FGFR4: variants seen among roughly 807,000 people sequenced by gnomAD.
The protein encoded by FGFR4 is hydroxyaryl-protein kinase.
FGFR4 carries 63 observed loss-of-function variants against 89.9 expected under a neutral mutation model. The observed-to-expected ratio is 0.70, with a 90% CI of 0.57 to 0.86. The LOEUF is 0.86. Ranked by LOEUF, FGFR4 falls within the 40% of genes least tolerant of loss-of-function variation. FGFR4 has a pLI of 0.00. For synonymous variants in FGFR4, 486 were observed against 479.4 expected (o/e 1.01, Z -0.18); for missense variants, 928 against 1,106.7 (o/e 0.84, Z 2.29).
chr5:177,090,521 C>T lies in FGFR4; in HGVS notation c.223C>T (p.Pro75Ser), dbSNP rs202216794. 4 of 1,561,098 alleles carry T rather than the reference C, an allele frequency of 2.6e-6. No individual in the cohort carries two copies. The highest frequency in any genetic ancestry group is 4.5e-5 in the East Asian group (2 of 44,482). ...GTACAAGGAGGGCAGTCGCCTGGCA[C>T]CTGCTGGCCGTGTACGGGGCTGGAG... Reference protein sequence around the residue: ...HWYKEGSRLAPAGRVRGWRGR... With the variant: ...HWYKEGSRLASAGRVRGWRGR... The change falls in exon 3 of 18, where the codon CCT (proline) becomes TCT (serine). Residue 75 changes from proline (P) to serine (S), a missense_variant. Pro to Ser is a moderately conservative substitution (Grantham distance 74, BLOSUM62 -1). This residue lies in a region of FGFR4 where 741 missense variants were observed against 836.9 expected (regional missense o/e 0.89). Coordinates refer to ENST00000292408, the MANE Select transcript of FGFR4 (RefSeq NM_213647.3).
Position 177,093,455 on chromosome 5 carries a change from G to C in FGFR4, c.1301G>C (p.Arg434Pro), listed in dbSNP as rs766706277. The change falls in exon 10 of 18, where the codon CGA becomes CCA. Residue 434 changes from arginine (R) to proline (P), a missense_variant. Arg to Pro is a moderately radical substitution (Grantham distance 103). Coordinates refer to ENST00000292408, the MANE Select transcript of FGFR4 (RefSeq NM_213647.3). The surrounding 1 kb of genome is among the most constrained non-coding windows in gnomAD (Gnocchi z 5.8). ...SSGKSSSSLV[R>P]GVRLSSSGPA... ...GGCAAGTCAAGCTCATCCCTGGTAC[G>C]AGGCGTGCGTCTCTCCTCCAGCGGC... is the stretch of plus-strand genomic sequence containing the variant. The C allele has an allele frequency of 5.6e-6, 9 of 1,614,030 alleles. No homozygotes were observed. Among genetic ancestry groups the C allele is most frequent in the African/African-American group, 1.3e-5 (1 of 75,060 alleles).
chr5:177,089,739 G>A (rs1358531534), intron 2 of FGFR4, 46 bp downstream of exon 2: 1 of 1,598,406 alleles, frequency 6.3e-7, no homozygotes, highest in Admixed American at 1.7e-5. Context: ...GGGAAGAGTG[G>A]GCACCAGGAG....
At position 177,092,693 on chromosome 5, in the gene FGFR4, C is replaced by T. The variant is rs199582955; in HGVS notation, c.966C>T (p.Asn322=). Reference sequence around the variant, plus strand: ...AGGTGGAGGTCCTGTACCTGCGGAACGTGTCAGCCGAGGACGCAGGCGAGT... The same window carrying T: ...AGGTGGAGGTCCTGTACCTGCGGAATGTGTCAGCCGAGGACGCAGGCGAGT... ...SSEVEVLYLR[N]VSAEDAGEYT... Residue 322 remains asparagine, a synonymous_variant, in exon 8 of 18, where the codon AAC becomes AAT. Coordinates refer to ENST00000292408, the MANE Select transcript of FGFR4 (RefSeq NM_213647.3). 2.7e-4 allele frequency: 439 copies of T among 1,613,958 alleles called. 2 individuals are homozygous for T. Among genetic ancestry groups the T allele is most frequent in the Non-Finnish European group, 5.3e-5 (62 of 1,179,802 alleles).
In FGFR4 at chr5:177,096,150, C is replaced by T. The variant is rs776049235; in HGVS notation, c.1915C>T (p.His639Tyr). 1 of 1,614,160 alleles carries T rather than the reference C, an allele frequency of 6.2e-7. No homozygotes were observed. The highest frequency in any genetic ancestry group is 1.3e-5 in the African/African-American group (1 of 75,040). Reference protein sequence around the residue: ...ADFGLARGVHHIDYYKKTSNG... With the variant: ...ADFGLARGVHYIDYYKKTSNG... ...CTTTGGGCTGGCCCGCGGCGTCCAC[C>T]ACATTGACTACTATAAGAAAACCAG... The change falls in exon 14 of 18, where the codon CAC (histidine) becomes TAC (tyrosine). Residue 639 changes from histidine to tyrosine, a missense_variant. This residue lies in a region of FGFR4 where 20 missense variants were observed against 17.3 expected (regional missense o/e 1.16). Coordinates refer to ENST00000292408, the MANE Select transcript of FGFR4 (RefSeq NM_213647.3).
In FGFR4 at chr5:177,091,817, G is replaced by A. The variant is rs767200148; in HGVS notation, c.727+9G>A. ...CCTGCTAGATGTGCTGGGTGAGCGC[G>A]GGGCTGGGAACAGGGGAGGCCTGAC... On this transcript the variant is annotated intron_variant, in intron 6 of 17. Coordinates refer to ENST00000292408, the MANE Select transcript of FGFR4 (RefSeq NM_213647.3). The A allele has an allele frequency of 1.6e-5, 26 of 1,613,770 alleles. No homozygotes were observed. Among genetic ancestry groups the A allele is most frequent in the Middle Eastern group, 1.6e-4 (1 of 6,078 alleles).
In FGFR4 at chr5:177,090,551, C is replaced by T. The variant is rs569265847; in HGVS notation, c.253C>T (p.Arg85Cys). 89 of 1,527,950 alleles carry T rather than the reference C, an allele frequency of 5.8e-5. 1 individual carries two copies. The South Asian group carries it at 6.4e-4, about 11-fold the overall frequency. The allele number at this position is 1,527,950 out of a possible 1,614,324, so 94.6% of individuals were successfully genotyped here. A position where few individuals can be genotyped will look rare whatever the true frequency, so the allele number is the denominator to read the frequency against. The change falls in exon 3 of 18, where the codon CGC (arginine) becomes TGC (cysteine). Residue 85 changes from arginine to cysteine, a missense_variant. By Grantham distance (180) the Arg-to-Cys change is radical. Transcript: ENST00000292408. ...PAGRVRGWRG[R>C]LEIASFLPED... ...TGGCCGTGTACGGGGCTGGAGGGGC[C>T]GCCTAGAGATTGCCAGCTTCCTACC...
rs1238868851 is a variant in FGFR4, at chr5:177,090,919, G to A, written c.437-19G>A. On this transcript the variant is annotated intron_variant, in intron 4 of 17. Transcript: ENST00000292408. ...GTGGGAACACACGGTCATTCTAGGG[G>A]CCTTCCCCTGCCCTCCAGCACCCTA... 6.2e-7 allele frequency: 1 copy of A among 1,614,048 alleles called. No homozygotes were observed. The highest frequency in any genetic ancestry group is 8.5e-7 in the Non-Finnish European group (1 of 1,180,030).
rs572318487 is a variant in FGFR4 at position 177,097,606 on chromosome 5, C to A, written c.2339C>A (p.Ser780Tyr). 5.6e-6 allele frequency: 9 copies of A among 1,614,224 alleles called. No individual in the cohort carries two copies. The East Asian group carries it at 2.0e-4, about 36-fold the overall frequency. Residue 780 changes from serine (S) to tyrosine (Y), a missense_variant, in exon 18 of 18, where the codon TCT (serine) becomes TAT (tyrosine). Physicochemically the swap from Ser to Tyr is moderately radical, Grantham distance 144. Transcript: ENST00000292408. ...DASSTCSSSD[S>Y]VFSHDPLPLG... ...AGCAGCACCTGCTCCTCCAGCGATT[C>A]TGTCTTCAGCCACGACCCCCTGCCA...
intron 11 of FGFR4, among the ~76,000 whole-genome samples, chr5:177,094,280 T>C (rs1784471400): frequency 6.6e-6 from 1 of 152,048 alleles, no homozygotes; most frequent in Non-Finnish European, 1.5e-5. Context: ...CCTTGTGTCA[T>C]ATGGGGTAGA....
intron 5 of FGFR4, 113 bp downstream of exon 5, chr5:177,091,217 G>T (rs899740164): frequency 1.5e-6 from 2 of 1,343,542 alleles, no homozygotes; most frequent in African/African-American, 1.5e-5. Context: ...CGATTGCGGG[G>T]CCCCGGAAGG....
In FGFR4 at chr5:177,095,853, A is replaced by T; in HGVS notation, c.1821+130A>T. 3.2e-6 allele frequency: 4 copies of T among 1,259,482 alleles called. No homozygotes were observed. Among genetic ancestry groups the T allele is most frequent in the Non-Finnish European group, 4.3e-6 (4 of 929,612 alleles). The allele number at this position is 1,259,482 out of a possible 1,614,324, so 78.0% of individuals were successfully genotyped here. ...CCCACCTCAGTGTCCCCAGGCATTC[A>T]CGCTTTCCTGCATTCCCCACTCGTT... On this transcript the variant is annotated intron_variant, in intron 13 of 17. Transcript: ENST00000292408. The surrounding 1 kb of genome is among the most constrained non-coding windows in gnomAD (Gnocchi z 5.7).
intron 6 of FGFR4, among the ~76,000 whole-genome samples, chr5:177,092,114 G>T (rs1272321736): frequency 6.6e-6 from 1 of 152,224 alleles, no homozygotes; most frequent in Non-Finnish European, 1.5e-5. Context: ...GGAGCCAGGT[G>T]GTGGAGGGTT....
chr5:177,092,350 G>T lies in FGFR4; in HGVS notation c.757G>T (p.Ala253Ser). 2 of 1,598,090 alleles carry T rather than the reference G, an allele frequency of 1.3e-6. No individual in the cohort carries two copies. Among genetic ancestry groups the T allele is most frequent in the Non-Finnish European group, 1.7e-6 (2 of 1,169,026 alleles). Residue 253 changes from alanine to serine, a missense_variant, in exon 7 of 18, where the codon GCC (alanine) becomes TCC (serine). Around this residue, in one of 5 missense-constraint regions of FGFR4, gnomAD observed 741 missense variants for 836.9 expected, o/e 0.89. Transcript: ENST00000292408. The stretch of plus-strand genomic sequence containing the variant: ...GTCCCCGCACCGGCCCATCCTGCAG[G>T]CCGGGCTCCCGGCCAACACCACAGC... ...ERSPHRPILQ[A>S]GLPANTTAVV...
chr5:177,096,511 CAG>C, intron 15 of FGFR4, 91 bp from the exon 16 acceptor site: 2 of 1,550,370 alleles, frequency 1.3e-6, no homozygotes, highest in Non-Finnish European at 8.8e-7. Context: ...CATTCCCCAA[CAG>C]CTGTGGTGGG....
chr5:177,095,634 C>T lies in FGFR4; in HGVS notation c.1732C>T (p.Arg578Trp), dbSNP rs756085498. 6.8e-6 allele frequency: 11 copies of T among 1,606,114 alleles called. No homozygotes were observed. The highest frequency in any genetic ancestry group is 3.4e-5 in the Admixed American group (2 of 59,000). The stretch of plus-strand genomic sequence containing the variant: ...CCCCGACCTCAGCCCCGACGGTCCT[C>T]GGAGCAGTGAGGGGCCGCTCTCCTT... Reference protein sequence around the residue: ...PGPDLSPDGPRSSEGPLSFPV... With the variant: ...PGPDLSPDGPWSSEGPLSFPV... The change falls in exon 13 of 18, where the codon CGG becomes TGG. Residue 578 changes from arginine (R) to tryptophan (W), a missense_variant. Physicochemically the swap from Arg to Trp is moderately radical, Grantham distance 101. Around this residue, in one of 5 missense-constraint regions of FGFR4, gnomAD observed 741 missense variants for 836.9 expected, o/e 0.89. Coordinates refer to ENST00000292408, the MANE Select transcript of FGFR4 (RefSeq NM_213647.3). The surrounding 1 kb of genome is among the most constrained non-coding windows in gnomAD (Gnocchi z 5.7).
At chr5:177,088,325 T>C (rs1582004190) in intron 1 of FGFR4, 1 of 181,442 alleles carries the variant, frequency 5.5e-6, no homozygotes, top group East Asian at 9.0e-5. Flanking sequence ...GTGCTGGGAT[T>C]ACAGGTGTGA....
Position 177,095,468 on chromosome 5 carries a change from G to T in FGFR4, c.1630+28G>T, listed in dbSNP as rs199587727. The T allele has an allele frequency of 3.1e-6, 5 of 1,613,620 alleles. No individual in the cohort carries two copies. Among genetic ancestry groups the T allele is most frequent in the Non-Finnish European group, 4.2e-6 (5 of 1,179,652 alleles). Reference sequence around the variant, plus strand: ...GGGGCCGAGGCGGGGCTGGCTGCACGGGCCGTTAGGGTGCAGAGCCAAAGC... The same window carrying T: ...GGGGCCGAGGCGGGGCTGGCTGCACTGGCCGTTAGGGTGCAGAGCCAAAGC... On this transcript the variant is annotated intron_variant, in intron 12 of 17. Transcript: ENST00000292408. The surrounding 1 kb of genome is among the most constrained non-coding windows in gnomAD (Gnocchi z 5.7).
chr5:177,090,735 C>G lies in FGFR4; in HGVS notation c.356-10C>G. On this transcript the variant is annotated splice_polypyrimidine_tract_variant and intron_variant, in intron 3 of 17. Coordinates refer to ENST00000292408, the MANE Select transcript of FGFR4 (RefSeq NM_213647.3). ...TGGACCTTAGATGCTTCCCTCTGTC[C>G]CTGATGTAGACTCCTTGACCTCCAG... 3 of 1,593,286 alleles carry G rather than the reference C, an allele frequency of 1.9e-6. No individual in the cohort carries two copies. The highest frequency in any genetic ancestry group is 2.6e-6 in the Non-Finnish European group (3 of 1,167,596).
rs1347593496 is a variant in FGFR4, at chr5:177,096,556, G to C, written c.2016-48G>C. ...TGTGGGGTCCCCCGTCCTAGCCCCG[G>C]TCGTCGGGAGGGCGCTGAGCCACAC... On this transcript the variant is annotated intron_variant, in intron 15 of 17. Transcript: ENST00000292408. The C allele has an allele frequency of 2.5e-6, 4 of 1,606,652 alleles. No individual in the cohort carries two copies. In the Admixed American group the frequency reaches 5.1e-5, roughly 20 times the overall value.
Sources: gnomAD v4.1 joint callset for allele counts (sites outside exome capture counted in the v4.1 genomes callset) on GRCh38, gnomAD v4.1.1 for gene constraint, gnomAD v4.1.1 regional missense constraint, Gnocchi (gnomAD v3.1) non-coding constraint, MANE v1.5 for transcripts, NCBI Gene and HGNC (gene_info 2026-07-23, HGNC 2026-07-21) for gene names.